IP6K1: variants seen among roughly 807,000 people sequenced by gnomAD.
IP6K1 encodes ATP:1D-myo-inositol-hexakisphosphate phosphotransferase.
In IP6K1, 13 loss-of-function variants were observed where a neutral mutation model predicts 38.3. The observed-to-expected ratio is 0.34, with a 90% CI of 0.22 to 0.54. The LOEUF is 0.54. Ranked by LOEUF, IP6K1 falls within the 20% of genes least tolerant of loss-of-function variation. The pLI is 0.92. For synonymous variants in IP6K1, 212 were observed against 229.9 expected, an observed-to-expected ratio of 0.92 and a Z score of 0.70; for missense variants, 397 against 599.8, an observed-to-expected ratio of 0.66 and a Z score of 3.53.
rs559602276 is a variant in IP6K1 at position 49,769,599 on chromosome 3, T to C, written c.-129+16755A>G. Among the ~76,000 whole-genome samples, 5 of 152,328 alleles carry C rather than the reference T, an allele frequency of 3.3e-5. No homozygotes were observed. In the South Asian group the frequency reaches 8.3e-4, roughly 25 times the overall value. Reference sequence around the variant, plus strand: ...AACTATGTCAAATTTTTTTACATTCTTCCCTCTAAAAAGTGAAATCCTCCT... The same window carrying C: ...AACTATGTCAAATTTTTTTACATTCCTCCCTCTAAAAAGTGAAATCCTCCT... On this transcript the variant is annotated intron_variant, in intron 1 of 5. Transcript: ENST00000321599.
rs1464317556 is a variant in IP6K1, at chr3:49,730,841, C to T, written c.616+1950G>A. 5.9e-5 allele frequency among the ~76,000 whole-genome samples: 9 copies of T among 152,176 alleles called. No individual in the cohort carries two copies. The East Asian group carries it at 9.7e-4, about 16-fold the overall frequency. ...AAATGATTCTCCTGTCTCAGCCTCC[C>T]GAGCAGCTAGGATTACAGGCATGCA... On this transcript the variant is annotated intron_variant, in intron 4 of 5. Coordinates refer to ENST00000321599, the MANE Select transcript of IP6K1 (RefSeq NM_153273.4).
At chr3:49,741,620 G>A (rs558434936) in intron 2 of IP6K1, among the ~76,000 whole-genome samples, 1 of 152,308 alleles carries the variant, frequency 6.6e-6, no homozygotes, top group African/African-American at 2.4e-5. Flanking sequence ...TTCTCCAAGT[G>A]GCTAGGAAAC....
At chr3:49,774,078 T>C (rs1336671257) in intron 1 of IP6K1, among the ~76,000 whole-genome samples, 1 of 151,758 alleles carries the variant, frequency 6.6e-6, no homozygotes, top group African/African-American at 2.4e-5. Context: ...GAATTGCAAC[T>C]ATAAAGTCTC....
intron 4 of IP6K1, among the ~76,000 whole-genome samples, chr3:49,730,233 C>A (rs1347684377): frequency 6.6e-6 from 1 of 152,144 alleles, no homozygotes; most frequent in Admixed American, 6.5e-5. Context: ...GACAGGGTCT[C>A]ACTATGTTGT....
At chr3:49,728,433 C>T (rs1559700843) in intron 4 of IP6K1, 155 bp from the exon 5 acceptor site, 1 of 643,036 alleles carries the variant, frequency 1.6e-6, no homozygotes, top group Non-Finnish European at 2.7e-6. Context: ...TGGCTTATTA[C>T]TTAACCAATA....
chr3:49,772,324 A>G (rs1484125985), intron 1 of IP6K1, among the ~76,000 whole-genome samples: 1 of 147,576 alleles, frequency 6.8e-6, no homozygotes, highest in Non-Finnish European at 1.5e-5. Context: ...TTATATATAT[A>G]ATATATAGGA....
chr3:49,738,974 T>C (rs1356540056), intron 2 of IP6K1, among the ~76,000 whole-genome samples: 1 of 152,180 alleles, frequency 6.6e-6, no homozygotes, highest in East Asian at 1.9e-4. Flanking sequence ...AAAACATCCT[T>C]CTGTTTGCCG....
chr3:49,770,196 T>A (rs757628787), intron 1 of IP6K1, among the ~76,000 whole-genome samples: 8 of 152,110 alleles, frequency 5.3e-5, no homozygotes, highest in Non-Finnish European at 7.4e-5. Flanking sequence ...TTCCTAGCCC[T>A]CAGAAACTGA....
At chr3:49,759,056 T>G (rs775287832) in intron 1 of IP6K1, among the ~76,000 whole-genome samples, 1 of 145,236 alleles carries the variant, frequency 6.9e-6, no homozygotes, top group African/African-American at 2.5e-5. Context: ...GCAAATAGTT[T>G]ATCTTGATAA....
chr3:49,766,877 A>G (rs1424875333), intron 1 of IP6K1, among the ~76,000 whole-genome samples: 1 of 147,180 alleles, frequency 6.8e-6, no homozygotes, highest in Non-Finnish European at 1.5e-5. Context: ...AGGCAGGAGA[A>G]TCACTTGAAC....
chr3:49,725,937 T>G lies in IP6K1; in HGVS notation c.*1185A>C, dbSNP rs2108216991. On this transcript the variant is annotated 3_prime_UTR_variant, in exon 6 of 6. Coordinates refer to ENST00000321599, the MANE Select transcript of IP6K1 (RefSeq NM_153273.4). ...AAAGCTCACCTCAGAAGTGGAAGTG[T>G]TCTGCTGAGGAAAGCATGAAGGAAT... 6.6e-6 allele frequency: 1 copy of G among 152,300 alleles called. No homozygotes were observed. The highest frequency in any genetic ancestry group is 1.9e-4 in the East Asian group (1 of 5,182). 9.4% of individuals were successfully genotyped at this position (152,300 alleles called of 1,614,324 possible).
intron 3 of IP6K1, among the ~76,000 whole-genome samples, chr3:49,737,821 TG>T (rs1559703837): frequency 1.3e-5 from 2 of 152,228 alleles, no homozygotes; most frequent in Non-Finnish European, 2.9e-5. Flanking sequence ...AGGGAACTCC[TG>T]GTTGGACTCA....
At chr3:49,776,450 G>A (rs1253946202) in intron 1 of IP6K1, among the ~76,000 whole-genome samples, 1 of 151,902 alleles carries the variant, frequency 6.6e-6, no homozygotes, top group African/African-American at 2.4e-5. Flanking sequence ...CTGGGAGGCG[G>A]AGGTTGCAGT....
intron 4 of IP6K1, among the ~76,000 whole-genome samples, chr3:49,729,396 T>C (rs561409914): frequency 2.1e-3 from 315 of 150,500 alleles, no homozygotes; most frequent in Admixed American, 4.2e-3. Context: ...TGTTGATTTA[T>C]TTTTGTTATT....
In IP6K1 at chr3:49,765,458, G is replaced by T. The variant is rs369018303; in HGVS notation, c.-128-17290C>A. On this transcript the variant is annotated intron_variant, in intron 1 of 5. Coordinates refer to ENST00000321599, the MANE Select transcript of IP6K1 (RefSeq NM_153273.4). Reference sequence around the variant, plus strand: ...AGATGGAGACCATCCTGGCCAACATGGTCAAACTCTGTTTCTACTTAAAAA... The same window carrying T: ...AGATGGAGACCATCCTGGCCAACATTGTCAAACTCTGTTTCTACTTAAAAA... 2.2e-3 allele frequency among the ~76,000 whole-genome samples: 308 copies of T among 143,154 alleles called. 3 individuals carry two copies. The highest frequency in any genetic ancestry group is 7.7e-3 in the African/African-American group (296 of 38,216). The allele number at this position is 143,154 out of a possible 152,430, so 93.9% of individuals were successfully genotyped here.
chr3:49,766,161 G>C (rs1308919406), intron 1 of IP6K1, among the ~76,000 whole-genome samples: 1 of 151,806 alleles, frequency 6.6e-6, no homozygotes, highest in Non-Finnish European at 1.5e-5. Context: ...GGGCTTCAGA[G>C]CAAGACTCCA....
intron 1 of IP6K1, among the ~76,000 whole-genome samples, chr3:49,768,721 G>C (rs2080931977): frequency 6.6e-6 from 1 of 152,164 alleles, no homozygotes. Context: ...AGTGAGCCAA[G>C]ACTGGGCCAC....
intron 1 of IP6K1, among the ~76,000 whole-genome samples, chr3:49,762,042 A>C (rs9882639): frequency 0.49 from 74,062 of 151,854 alleles, 19,201 homozygotes; most frequent in African/African-American, 0.63. Context: ...ACCTCTGCTT[A>C]CTGGGCTCAA....
rs540816699 is a variant in IP6K1 at position 49,724,616 on chromosome 3, A to G, written c.*2506T>C. ...AAATATATTTTAAGTCAGCACAAAC[A>G]TAACCAAATTGTACAGCTTTAAAGT... On this transcript the variant is annotated 3_prime_UTR_variant, in exon 6 of 6. Transcript: ENST00000321599. 1.4e-4 allele frequency: 22 copies of G among 152,710 alleles called. No individual in the cohort carries two copies. Among genetic ancestry groups the G allele is most frequent in the African/African-American group, 5.0e-4 (21 of 41,604 alleles). The allele number at this position is 152,710 out of a possible 1,614,324, so 9.5% of individuals were successfully genotyped here.
Sources: gnomAD v4.1 joint callset for allele counts (sites outside exome capture counted in the v4.1 genomes callset) on GRCh38, gnomAD v4.1.1 for gene constraint, MANE v1.5 for transcripts, NCBI Gene and HGNC (gene_info 2026-07-23, HGNC 2026-07-21) for gene names.